The following KIF16B variants were observed in gnomAD, a reference collection of about 807,000 sequenced individuals.
KIF16B encodes the protein kinesin family member 16B.
Under a neutral mutation model 156.3 loss-of-function variants are expected in KIF16B, and 98 were observed. That is an observed-to-expected ratio of 0.63 (90% CI 0.53 to 0.74). The LOEUF (loss-of-function observed/expected upper bound fraction) is 0.74, where lower values mean the gene tolerates loss of function less well. Among genes scored for constraint, KIF16B ranks in the 30% least tolerant of loss-of-function variants. The pLI, the probability that KIF16B is intolerant of heterozygous loss-of-function variation, is 0.00. For synonymous variants in KIF16B, 564 were observed against 583.7 expected (o/e 0.97, Z 0.49); for missense variants, 1,421 against 1,606.5 (o/e 0.88, Z 1.97).
At chr20:16,521,426 GA>G (rs746520177) in intron 3 of KIF16B, among the ~76,000 whole-genome samples, 1 of 151,810 alleles carries the variant, frequency 6.6e-6, no homozygotes, top group African/African-American at 2.4e-5. Flanking sequence ...ATCAGAGATT[GA>G]AGAACAACTT....
chr20:16,303,290 G>T (rs2063497965), intron 25 of KIF16B, among the ~76,000 whole-genome samples: 1 of 152,202 alleles, frequency 6.6e-6, no homozygotes, highest in Non-Finnish European at 1.5e-5. Flanking sequence ...TTCACAACCA[G>T]ATCTAATGGT....
chr20:16,456,001 C>G (rs1344178326), intron 12 of KIF16B, among the ~76,000 whole-genome samples: 1 of 152,162 alleles, frequency 6.6e-6, no homozygotes, highest in Non-Finnish European at 1.5e-5. Context: ...TGAGATTATA[C>G]ATGGCAACTT....
intron 23 of KIF16B, among the ~76,000 whole-genome samples, chr20:16,345,038 C>T (rs191585292): frequency 6.6e-6 from 1 of 152,266 alleles, no homozygotes; most frequent in Non-Finnish European, 1.5e-5. Flanking sequence ...CCTTTTCTAC[C>T]CTTGGGCCTC....
chr20:16,566,091 A>G (rs1428501115), intron 1 of KIF16B, among the ~76,000 whole-genome samples: 1 of 152,258 alleles, frequency 6.6e-6, no homozygotes, highest in African/African-American at 2.4e-5. Flanking sequence ...TTTCTGCATA[A>G]CACATACGTT....
intron 23 of KIF16B, among the ~76,000 whole-genome samples, chr20:16,346,860 G>A (rs2064243964): frequency 2.0e-5 from 3 of 152,136 alleles, no homozygotes; most frequent in East Asian, 1.9e-4. Context: ...GGGAAATTGC[G>A]AGAATGACAG....
Position 16,333,796 on chromosome 20 carries a change from C to G in KIF16B, c.3711+2130G>C, listed in dbSNP as rs542191057. Among the ~76,000 whole-genome samples the G allele has an allele frequency of 3.9e-5, 6 of 152,280 alleles. No homozygotes were observed. In the South Asian group the frequency reaches 1.0e-3, roughly 26 times the overall value. On this transcript the variant is annotated intron_variant, in intron 24 of 25. Transcript: ENST00000354981. The stretch of plus-strand genomic sequence containing the variant: ...GCTCTGAAAACTCTTTTAAATATCT[C>G]TCAGCTAATGTATCAACTAGAATGC...
chr20:16,286,419 G>GA (rs1201465065), intron 25 of KIF16B, among the ~76,000 whole-genome samples: 2 of 152,084 alleles, frequency 1.3e-5, no homozygotes, highest in Non-Finnish European at 2.9e-5. Flanking sequence ...TCCAGAGTCT[G>GA]AAAAAATCTT....
At chr20:16,541,365 G>A (rs527662861) in intron 1 of KIF16B, among the ~76,000 whole-genome samples, 204 of 152,336 alleles carry the variant, frequency 1.3e-3, no homozygotes, top group Middle Eastern at 3.4e-3. Context: ...GTGGCACCAT[G>A]ACCTACATCC....
chr20:16,364,306 G>A lies in KIF16B; in HGVS notation c.3498+6280C>T, dbSNP rs919953563. Among the ~76,000 whole-genome samples the A allele has an allele frequency of 6.6e-5, 10 of 152,288 alleles. No individual in the cohort carries two copies. In the South Asian group the frequency reaches 1.2e-3, roughly 19 times the overall value. ...TTCAGATGAAATCACTATTTCAAAA[G>A]TATTCAAAGAGCTATTGTCTAGAAT... On this transcript the variant is annotated intron_variant, in intron 22 of 25. Transcript: ENST00000354981.
rs751719801 is a variant in KIF16B, at chr20:16,406,325, T to A, written c.1695+49A>T. The A allele has an allele frequency of 5.9e-6, 9 of 1,515,980 alleles. No individual in the cohort carries two copies. The East Asian group carries it at 1.8e-4, about 30-fold the overall frequency. 93.9% of individuals were successfully genotyped at this position (1,515,980 alleles called of 1,614,324 possible). Reference sequence around the variant, plus strand: ...AACCAGAGTGACCACCACCCACTCATCCTCACATACGATCAGTGGTTCCCT... The same window carrying A: ...AACCAGAGTGACCACCACCCACTCAACCTCACATACGATCAGTGGTTCCCT... On this transcript the variant is annotated intron_variant, in intron 16 of 25. Coordinates refer to ENST00000354981, the MANE Select transcript of KIF16B (RefSeq NM_024704.5).
intron 6 of KIF16B, among the ~76,000 whole-genome samples, chr20:16,509,701 A>G (rs1418443941): frequency 6.6e-6 from 1 of 152,168 alleles, no homozygotes; most frequent in Non-Finnish European, 1.5e-5. Context: ...GGAGCTCTTT[A>G]TATAGTAGGA....
chr20:16,535,241 T>A (rs2069913237), intron 1 of KIF16B, among the ~76,000 whole-genome samples: 1 of 152,216 alleles, frequency 6.6e-6, no homozygotes, highest in Non-Finnish European at 1.5e-5. Flanking sequence ...CCCAAGTATT[T>A]TTCTTTGATA....
chr20:16,370,731 C>G, intron 21 of KIF16B, 95 bp from the exon 22 acceptor site: 1 of 873,820 alleles, frequency 1.1e-6, no homozygotes, highest in Non-Finnish European at 1.7e-6. Flanking sequence ...GAATGGAAAT[C>G]TAAATAAACA....
chr20:16,372,247 C>T (rs1435349748), intron 20 of KIF16B, among the ~76,000 whole-genome samples: 1 of 152,196 alleles, frequency 6.6e-6, no homozygotes, highest in African/African-American at 2.4e-5. Context: ...AATGGACATG[C>T]TCTCTACAAA....
chr20:16,449,718 G>T (rs1189116863), intron 12 of KIF16B, among the ~76,000 whole-genome samples: 1 of 152,176 alleles, frequency 6.6e-6, no homozygotes, highest in South Asian at 2.1e-4. Context: ...ATACAATTAT[G>T]AATAACAGGA....
At chr20:16,368,473 G>A in intron 22 of KIF16B, 1 of 986,302 alleles carries the variant, frequency 1.0e-6, no homozygotes, top group Non-Finnish European at 1.2e-6. Context: ...TGTTACCTGG[G>A]AGGGGAGCCC....
intron 7 of KIF16B, among the ~76,000 whole-genome samples, chr20:16,507,664 A>G (rs1366310307): frequency 2.0e-5 from 3 of 152,224 alleles, no homozygotes; most frequent in Non-Finnish European, 4.4e-5. Context: ...GTTTGCAACA[A>G]TGAAAACTTT....
intron 3 of KIF16B, 46 bp downstream of exon 3, chr20:16,526,046 C>T: frequency 1.8e-6 from 2 of 1,100,988 alleles, no homozygotes; most frequent in Non-Finnish European, 2.7e-6. Flanking sequence ...ATGTTTTTCT[C>T]AATGTGAAAA....
intron 4 of KIF16B, among the ~76,000 whole-genome samples, chr20:16,514,595 A>AC (rs1252225129): frequency 1.3e-3 from 193 of 150,284 alleles, no homozygotes; most frequent in African/African-American, 4.4e-3. Flanking sequence ...AAAAAAAAAA[A>AC]AAAAAAAAAA....
Sources: gnomAD v4.1 joint callset for allele counts (sites outside exome capture counted in the v4.1 genomes callset) on GRCh38, gnomAD v4.1.1 for gene constraint, MANE v1.5 for transcripts, NCBI Gene and HGNC (gene_info 2026-07-23, HGNC 2026-07-21) for gene names.